Variants in PIK3R3 observed in about 807,000 individuals in gnomAD.
PIK3R3 encodes phosphoinositide-3-kinase regulatory subunit 3, also known as phosphatidylinositol 3-kinase regulatory subunit gamma.
In PIK3R3, 64 loss-of-function variants were observed where a neutral mutation model predicts 62.9. The ratio of observed to expected loss-of-function variants is 1.02; its 90% CI spans 0.83 to 1.25. The LOEUF (loss-of-function observed/expected upper bound fraction) is 1.25. Among genes scored for constraint, PIK3R3 ranks in the 50% most tolerant of loss-of-function variants. The pLI is 0.00. For missense variants in PIK3R3, 614 were observed against 561.6 expected (o/e 1.09, Z -0.94); for synonymous variants, 165 against 189.0 (o/e 0.87, Z 1.04).
intron 1 of PIK3R3, among the ~76,000 whole-genome samples, chr1:46,109,891 G>C (rs1293478666): frequency 6.6e-6 from 1 of 152,128 alleles, no homozygotes. Context: ...ACAGGATAAA[G>C]TTCAAACTCT....
chr1:46,100,876 AT>A (rs1557609744), intron 1 of PIK3R3, among the ~76,000 whole-genome samples: 1 of 152,126 alleles, frequency 6.6e-6, no homozygotes. Context: ...TGCTGCTATA[AT>A]GAGTATCTTT....
intron 1 of PIK3R3, among the ~76,000 whole-genome samples, chr1:46,101,416 G>A (rs1281901826): frequency 1.3e-5 from 2 of 151,544 alleles, no homozygotes; most frequent in African/African-American, 2.4e-5. Flanking sequence ...TGAGGCAGGA[G>A]AATCGCTTGA....
rs76071810 is a variant in PIK3R3 at position 46,075,909 on chromosome 1, G to A, written c.314+1606C>T. Reference sequence around the variant, plus strand: ...GACTGAAGGCCTTGAGAACCCATAGGGGGTGAGGAGGATTGGTATAAGTCC... The same window carrying A: ...GACTGAAGGCCTTGAGAACCCATAGAGGGTGAGGAGGATTGGTATAAGTCC... On this transcript the variant is annotated intron_variant, in intron 3 of 9. Transcript: ENST00000262741. 7.5e-3 allele frequency among the ~76,000 whole-genome samples: 1,135 copies of A among 152,278 alleles called. 17 individuals carry two copies. The highest frequency in any genetic ancestry group is 0.026 in the African/African-American group (1,068 of 41,542).
chr1:46,143,984 T>TA, the PIK3R3 span, among the ~76,000 whole-genome samples: 2 of 152,216 alleles, frequency 1.3e-5, no homozygotes, highest in African/African-American at 4.8e-5. Context: ...TTGTAGTGGA[T>TA]ACTTTTTAGT....
chr1:46,167,049 C>T, the PIK3R3 span, among the ~76,000 whole-genome samples: 1 of 152,260 alleles, frequency 6.6e-6, no homozygotes, highest in Non-Finnish European at 1.5e-5. Flanking sequence ...TAGCCCCACC[C>T]CGCGACTACC....
the PIK3R3 span, among the ~76,000 whole-genome samples, chr1:46,138,299 C>G: frequency 1.3e-5 from 2 of 152,148 alleles, no homozygotes; most frequent in African/African-American, 4.8e-5. Context: ...ATCTAAAAAC[C>G]ATTTTATACG....
chr1:46,084,016 C>A lies in PIK3R3; in HGVS notation c.107-3266G>T, dbSNP rs145051890. Among the ~76,000 whole-genome samples, 859 of 152,160 alleles carry A rather than the reference C, an allele frequency of 5.6e-3. 9 individuals carry two copies. The highest frequency in any genetic ancestry group is 0.025 in the Admixed American group (375 of 15,286). ...TAATGGCCCAAAAATGGAAAACAACCCAAATATCTATCAACAGACGAATAG... is the reference window on the plus strand; with the variant it reads ...TAATGGCCCAAAAATGGAAAACAACACAAATATCTATCAACAGACGAATAG... On this transcript the variant is annotated intron_variant, in intron 1 of 9. Transcript: ENST00000262741.
the PIK3R3 span, among the ~76,000 whole-genome samples, chr1:46,152,721 C>A: frequency 6.6e-6 from 1 of 152,110 alleles, no homozygotes; most frequent in African/African-American, 2.4e-5. Flanking sequence ...TGCCACCACG[C>A]CTGGCTAATT....
chr1:46,146,035 G>A, the PIK3R3 span, among the ~76,000 whole-genome samples: 14 of 152,292 alleles, frequency 9.2e-5, no homozygotes, highest in South Asian at 2.1e-4. Flanking sequence ...AGCCAAAGCC[G>A]GGCCCTCTAG....
At chr1:46,132,954 T>A, upstream of PIK3R3, 1 of 1,122,134 alleles carries the variant, frequency 8.9e-7, no homozygotes, top group Non-Finnish European at 1.1e-6. Flanking sequence ...CAGGAGTCAG[T>A]GCCGGGAGCA....
chr1:46,105,903 C>T (rs1314394409), intron 1 of PIK3R3, among the ~76,000 whole-genome samples: 2 of 152,008 alleles, frequency 1.3e-5, no homozygotes, highest in Admixed American at 1.3e-4. Context: ...CAAGTAAAAG[C>T]ACTGTGTACC....
intron 1 of PIK3R3, among the ~76,000 whole-genome samples, chr1:46,114,737 C>T (rs1024181098): frequency 1.3e-5 from 2 of 149,760 alleles, no homozygotes; most frequent in African/African-American, 4.9e-5. Context: ...CCCAAGTAGC[C>T]GAGACTACAG....
At chr1:46,094,574 C>T (rs913878200) in intron 1 of PIK3R3, among the ~76,000 whole-genome samples, 1 of 152,180 alleles carries the variant, frequency 6.6e-6, no homozygotes, top group Non-Finnish European at 1.5e-5. Flanking sequence ...AACAAAATTT[C>T]CCCCCAGCAT....
chr1:46,142,271 G>A, the PIK3R3 span, among the ~76,000 whole-genome samples: 1 of 152,136 alleles, frequency 6.6e-6, no homozygotes, highest in Non-Finnish European at 1.5e-5. Flanking sequence ...CCACACAAAT[G>A]TTTCAAAATC....
chr1:46,088,909 A>G (rs1651344076), intron 1 of PIK3R3, among the ~76,000 whole-genome samples: 1 of 152,126 alleles, frequency 6.6e-6, no homozygotes, highest in Non-Finnish European at 1.5e-5. Context: ...ACAAAGGACT[A>G]AAGAATGTCT....
intron 3 of PIK3R3, among the ~76,000 whole-genome samples, chr1:46,069,742 C>T (rs1445482370): frequency 2.0e-5 from 3 of 152,068 alleles, no homozygotes; most frequent in East Asian, 1.9e-4. Context: ...AGGTCCAAGG[C>T]CTAAGCACTG....
At chr1:46,105,365 G>A (rs1194130313) in intron 1 of PIK3R3, among the ~76,000 whole-genome samples, 1 of 152,028 alleles carries the variant, frequency 6.6e-6, no homozygotes, top group Non-Finnish European at 1.5e-5. Flanking sequence ...CTGACATGGC[G>A]ACTTGCACCT....
At chr1:46,046,684 G>C in intron 7 of PIK3R3, 59 bp from the exon 8 acceptor site, 2 of 1,181,328 alleles carry the variant, frequency 1.7e-6, no homozygotes, top group Non-Finnish European at 2.5e-6. Context: ...GACAAAGTAG[G>C]TATGTCTGAG....
At chr1:46,053,497 G>C (rs1285209381) in intron 7 of PIK3R3, among the ~76,000 whole-genome samples, 1 of 152,086 alleles carries the variant, frequency 6.6e-6, no homozygotes, top group African/African-American at 2.4e-5. Flanking sequence ...GAGGTGATTA[G>C]GTCATAAAGG....
Sources: allele counts gnomAD v4.1 joint callset (sites outside exome capture counted in the v4.1 genomes callset), GRCh38; gene constraint gnomAD v4.1.1; transcripts MANE v1.5; gene names NCBI Gene and HGNC (gene_info 2026-07-23, HGNC 2026-07-21).